The following REV3L variants were observed in gnomAD, a reference collection of about 807,000 sequenced individuals.
The protein encoded by REV3L is DNA polymerase zeta catalytic subunit.
REV3L carries 69 observed loss-of-function variants against 299.4 expected under a neutral mutation model. The ratio of observed to expected loss-of-function variants is 0.23; its 90% confidence interval spans 0.19 to 0.28. REV3L has a LOEUF of 0.28. Ranked by LOEUF, REV3L falls within the 10% of genes least tolerant of loss-of-function variation. The pLI is 1.00. For synonymous variants in REV3L, 1,238 were observed against 1,271.4 expected, an observed-to-expected ratio of 0.97 and a Z score of 0.56; for missense variants, 3,128 against 3,693.8, an observed-to-expected ratio of 0.85 and a Z score of 3.97.
intron 24 of REV3L, chr6:111,331,069 AAAAG>A (rs1258104578): frequency 2.1e-6 from 2 of 947,680 alleles, no homozygotes. Context: ...AAGAAAATAG[AAAAG>A]AAAGGAATAA....
intron 1 of REV3L, among the ~76,000 whole-genome samples, chr6:111,465,956 T>G (rs1791457152): frequency 6.6e-6 from 1 of 152,178 alleles, no homozygotes; most frequent in South Asian, 2.1e-4. Flanking sequence ...TAAAAAGATC[T>G]CTACAGTGCT....
chr6:111,402,627 G>A (rs1049411572), intron 4 of REV3L, among the ~76,000 whole-genome samples: 16 of 152,096 alleles, frequency 1.1e-4, no homozygotes, highest in Non-Finnish European at 2.2e-4. Context: ...ACTATTCACG[G>A]CAACAAAAAG....
chr6:111,458,130 G>T (rs892884500), intron 1 of REV3L, among the ~76,000 whole-genome samples: 2 of 152,068 alleles, frequency 1.3e-5, no homozygotes, highest in Non-Finnish European at 2.9e-5. Context: ...TGCAAGGTTG[G>T]TTCAACATAT....
At chr6:111,343,454 T>C (rs1247822767) in intron 21 of REV3L, among the ~76,000 whole-genome samples, 3 of 152,378 alleles carry the variant, frequency 2.0e-5, no homozygotes, top group South Asian at 2.1e-4. Flanking sequence ...GTGTGAGATA[T>C]GCTCCTTATC....
At chr6:111,420,108 G>T (rs1174745433) in intron 1 of REV3L, among the ~76,000 whole-genome samples, 2 of 152,192 alleles carry the variant, frequency 1.3e-5, no homozygotes, top group Admixed American at 6.5e-5. Flanking sequence ...GCCTTCCAAA[G>T]TGCTGGGATT....
chr6:111,480,396 G>T lies in REV3L; in HGVS notation c.139+2354C>A, dbSNP rs115180357. 5.0e-3 allele frequency among the ~76,000 whole-genome samples: 760 copies of T among 152,168 alleles called. 3 individuals are homozygous for T. The highest frequency in any genetic ancestry group is 0.017 in the African/African-American group (715 of 41,522). On this transcript the variant is annotated intron_variant, in intron 1 of 31. Transcript: ENST00000368802. Reference sequence around the variant, plus strand: ...ATTCTAGCATTCAGAGTTTTACTAAGTCAGACTGGCCTCTCTTTTATATTA... The same window carrying T: ...ATTCTAGCATTCAGAGTTTTACTAATTCAGACTGGCCTCTCTTTTATATTA...
In REV3L at chr6:111,367,858, T is replaced by C. The variant is rs1779385472; in HGVS notation, c.5930A>G (p.Asn1977Ser). Residue 1977 changes from asparagine (N) to serine (S), a missense_variant, in exon 14 of 32, where the codon AAT (asparagine) becomes AGT (serine). Coordinates refer to ENST00000368802, the MANE Select transcript of REV3L (RefSeq NM_001372078.1). ...SPLRSGQGVV[N>S]KGSSNSPKMV... ...CTTAGGGCTATTACTTGACCCTTTA[T>C]TGACAACTCCTTGGCCACTGCGAAG... The C allele has an allele frequency of 4.3e-6, 7 of 1,614,072 alleles. No individual in the cohort carries two copies. The highest frequency in any genetic ancestry group is 1.6e-4 in the Middle Eastern group (1 of 6,084).
intron 1 of REV3L, among the ~76,000 whole-genome samples, chr6:111,480,159 G>A (rs1009405906): frequency 6.6e-6 from 1 of 152,152 alleles, no homozygotes; most frequent in African/African-American, 2.4e-5. Context: ...CCAAAGTAAA[G>A]CATTAAGGAC....
At chr6:111,457,947 G>A (rs999218743) in intron 1 of REV3L, among the ~76,000 whole-genome samples, 44 of 151,654 alleles carry the variant, frequency 2.9e-4, no homozygotes, top group East Asian at 1.9e-4. Flanking sequence ...TCTTAAAGAC[G>A]GCCAAAAGAA....
In REV3L at chr6:111,482,941, A is replaced by AGCAGCGGCGGCGGCTCCCTCC. The variant is rs888926055; in HGVS notation, c.-74_-54dup. 110 of 1,469,312 alleles carry AGCAGCGGCGGCGGCTCCCTCC rather than the reference A, an allele frequency of 7.5e-5. No individual in the cohort carries two copies. Among genetic ancestry groups the AGCAGCGGCGGCGGCTCCCTCC allele is most frequent in the African/African-American group, 4.8e-4 (32 of 66,904 alleles). The allele number at this position is 1,469,312 out of a possible 1,614,324, so 91.0% of individuals were successfully genotyped here. A position where few individuals can be genotyped will look rare whatever the true frequency, so the allele number is the denominator to read the frequency against. ...TCACTGGCGACCCGGCAGCGGCAGC[A>AGCAGCGGCGGCGGCTCCCTCC]GCAGCGGCGGCGGCTCCCTCCGCAG... On this transcript the variant is annotated 5_prime_UTR_variant, in exon 1 of 32. Coordinates refer to ENST00000368802, the MANE Select transcript of REV3L (RefSeq NM_001372078.1).
intron 31 of REV3L, among the ~76,000 whole-genome samples, 192 bp downstream of exon 31, chr6:111,307,167 CAA>C (rs1015773000): frequency 1.5e-4 from 23 of 152,018 alleles, no homozygotes; most frequent in Admixed American, 6.6e-4. Context: ...ATAAAAAAAA[CAA>C]AAAATAAATT....
intron 4 of REV3L, among the ~76,000 whole-genome samples, chr6:111,397,055 C>G (rs1782588289): frequency 6.6e-6 from 1 of 150,496 alleles, no homozygotes; most frequent in Non-Finnish European, 1.5e-5. Flanking sequence ...TTGATCTTTT[C>G]AAAGCACCAG....
chr6:111,363,756 ACTC>A, intron 16 of REV3L, 94 bp downstream of exon 16: 1 of 1,158,244 alleles, frequency 8.6e-7, no homozygotes. Context: ...AATTCAATAT[ACTC>A]CTCCCTTGTT....
chr6:111,408,681 T>C (rs921092989), intron 3 of REV3L, among the ~76,000 whole-genome samples: 3 of 152,036 alleles, frequency 2.0e-5, no homozygotes, highest in East Asian at 1.9e-4. Context: ...TAAAGAGCTT[T>C]TGTTTATGTG....
chr6:111,408,048 C>A (rs192190184), intron 3 of REV3L, among the ~76,000 whole-genome samples: 2 of 151,952 alleles, frequency 1.3e-5, no homozygotes, highest in Admixed American at 1.3e-4. Context: ...TGAATGTGTG[C>A]GTATAATTAG....
At chr6:111,431,531 C>A (rs879707212) in intron 1 of REV3L, 38 of 831,952 alleles carry the variant, frequency 4.6e-5, no homozygotes, top group Non-Finnish European at 5.8e-5. Flanking sequence ...AACACCAGAC[C>A]CCCTCCCAAC....
At chr6:111,433,283 TTAAC>T (rs1437572189) in intron 1 of REV3L, among the ~76,000 whole-genome samples, 1 of 150,744 alleles carries the variant, frequency 6.6e-6, no homozygotes, top group Non-Finnish European at 1.5e-5. Context: ...ACAAACAAAA[TTAAC>T]TAACAAACCT....
At position 111,373,529 on chromosome 6, in the gene REV3L, G is replaced by A; in HGVS notation, c.4826C>T (p.Ser1609Phe). ...LKVDSLNLQN[S>F]SQLDNSVSDD... Reference sequence around the variant, plus strand: ...TGATACAGAGTTATCCAACTGGCTAGAGTTTTGTAAATTTAAAGAGTCTAC... The same window carrying A: ...TGATACAGAGTTATCCAACTGGCTAAAGTTTTGTAAATTTAAAGAGTCTAC... The change falls in exon 13 of 32, where the codon TCT becomes TTT. Residue 1609 changes from serine (S) to phenylalanine (F), a missense_variant. Ser to Phe is a radical substitution (Grantham distance 155). Coordinates refer to ENST00000368802, the MANE Select transcript of REV3L (RefSeq NM_001372078.1). 6.2e-7 allele frequency: 1 copy of A among 1,613,410 alleles called. No individual in the cohort carries two copies. The highest frequency in any genetic ancestry group is 8.5e-7 in the Non-Finnish European group (1 of 1,179,822).
chr6:111,308,228 T>C (rs1440165829), intron 30 of REV3L: 6 of 452,674 alleles, frequency 1.3e-5, no homozygotes, highest in South Asian at 4.7e-5. Flanking sequence ...CTATTGTGAA[T>C]AGTGCCGCAA....
Sources: allele counts gnomAD v4.1 joint callset (sites outside exome capture counted in the v4.1 genomes callset), GRCh38; gene constraint gnomAD v4.1.1; transcripts MANE v1.5; gene names NCBI Gene and HGNC (gene_info 2026-07-23, HGNC 2026-07-21).